The following PHLPP1 variants were observed in gnomAD, a reference collection of about 807,000 sequenced individuals.
PHLPP1 encodes the protein PH domain and leucine rich repeat protein phosphatase 1, also known as PH domain leucine-rich repeat-containing protein phosphatase 1.
Under a neutral mutation model 117.2 loss-of-function variants are expected in PHLPP1, and 42 were observed. The ratio of observed to expected loss-of-function variants is 0.36; its 90% CI spans 0.28 to 0.46. The LOEUF (loss-of-function observed/expected upper bound fraction) is 0.46, where lower values mean the gene tolerates loss of function less well. PHLPP1 is among the 20% of genes least tolerant of loss of function. The pLI is 1.00. For synonymous variants in PHLPP1, 1,042 were observed against 970.7 expected (o/e 1.07, Z -1.37); for missense variants, 2,084 against 2,241.9 (o/e 0.93, Z 1.42).
At chr18:62,900,433 CTTTTTTTTTTTTTT>C (rs774225759) in intron 6 of PHLPP1, among the ~76,000 whole-genome samples, 5,762 of 54,302 alleles carry the variant, frequency 0.11, 225 homozygotes, top group Non-Finnish European at 0.14. Context: ...CTTTTTCTTT[CTTTTTTTTTTTTTT>C]TTTTTTTTTT....
chr18:62,768,045 A>T (rs757058151), intron 1 of PHLPP1, among the ~76,000 whole-genome samples: 5 of 152,148 alleles, frequency 3.3e-5, no homozygotes, highest in Non-Finnish European at 7.4e-5. Context: ...ATCCATTAGC[A>T]CCTCTATATC....
intron 16 of PHLPP1, among the ~76,000 whole-genome samples, 190 bp downstream of exon 16, chr18:62,975,815 T>G (rs1296132899): frequency 6.6e-6 from 1 of 152,240 alleles, no homozygotes; most frequent in Non-Finnish European, 1.5e-5. Flanking sequence ...GTTGGTTGCC[T>G]CTCTGCATCA....
At chr18:62,872,986 C>CAAAAAAAAA (rs60920082) in intron 4 of PHLPP1, among the ~76,000 whole-genome samples, 9 of 54,762 alleles carry the variant, frequency 1.6e-4, no homozygotes, top group African/African-American at 4.5e-4. Flanking sequence ...AACTCTGCCT[C>CAAAAAAAAA]AAAAAAAAAA....
intron 4 of PHLPP1, among the ~76,000 whole-genome samples, chr18:62,890,130 T>G (rs1010332125): frequency 4.6e-5 from 7 of 152,128 alleles, no homozygotes; most frequent in African/African-American, 1.7e-4. Flanking sequence ...AGAGAATGGT[T>G]GTATCTCTTT....
rs1434411148 is a variant in PHLPP1, at chr18:62,978,849, C to T, written c.4572C>T (p.Ser1524=). 13 of 1,607,540 alleles carry T rather than the reference C, an allele frequency of 8.1e-6. No homozygotes were observed. The highest frequency in any genetic ancestry group is 1.3e-5 in the African/African-American group (1 of 74,726). ...GCATGCTCCACCCCATCTGTCTGTCCAACTCCTTCCAGCGCCAGCTATCCA... is the reference window on the plus strand; with the variant it reads ...GCATGCTCCACCCCATCTGTCTGTCTAACTCCTTCCAGCGCCAGCTATCCA... ...QRCMLHPICL[S]NSFQRQLSSA... The change falls in exon 17 of 17, where the codon TCC becomes TCT. Residue 1524 remains serine (S), a synonymous_variant. Coordinates refer to ENST00000262719, the MANE Select transcript of PHLPP1 (RefSeq NM_194449.4). The surrounding 1 kb of genome is among the most constrained non-coding windows in gnomAD (Gnocchi z 7.0).
chr18:62,941,641 C>G (rs1305826999), intron 10 of PHLPP1, 77 bp from the exon 11 acceptor site: 1 of 1,000,950 alleles, frequency 1.0e-6, no homozygotes, highest in Non-Finnish European at 1.5e-6. Flanking sequence ...TCTAATATGC[C>G]TGGTATCAAA....
At chr18:62,837,878 G>T (rs960025600) in intron 2 of PHLPP1, 1 of 151,912 alleles carries the variant, frequency 6.6e-6, no homozygotes, top group African/African-American at 2.4e-5. Context: ...TGTTGACCAG[G>T]CTGGTCTCGA....
intron 1 of PHLPP1, among the ~76,000 whole-genome samples, chr18:62,741,339 CTT>C (rs1229212339): frequency 1.3e-5 from 2 of 152,120 alleles, no homozygotes. Context: ...GTAACAGAAA[CTT>C]TTTTTCATAT....
chr18:62,787,533 G>A (rs1178774153), intron 1 of PHLPP1, among the ~76,000 whole-genome samples: 2 of 152,076 alleles, frequency 1.3e-5, no homozygotes, highest in African/African-American at 4.8e-5. Flanking sequence ...AATATTCCGA[G>A]GATGACAGAA....
At chr18:62,841,219 C>A (rs1426660250) in intron 3 of PHLPP1, among the ~76,000 whole-genome samples, 1 of 151,626 alleles carries the variant, frequency 6.6e-6, no homozygotes, top group African/African-American at 2.4e-5. Context: ...TTTCCATTGC[C>A]TTTTTTCTGT....
intron 1 of PHLPP1, among the ~76,000 whole-genome samples, chr18:62,766,076 A>AAAAAAAATATATAT: frequency 9.2e-5 from 2 of 21,660 alleles, no homozygotes; most frequent in African/African-American, 1.5e-4. Flanking sequence ...AAAAAAAAAA[A>AAAAAAAATATATAT]ATATATATAT....
At chr18:62,781,488 C>T (rs1003567174) in intron 1 of PHLPP1, among the ~76,000 whole-genome samples, 9 of 152,276 alleles carry the variant, frequency 5.9e-5, no homozygotes, top group African/African-American at 1.7e-4. Flanking sequence ...CTCCTGGCTC[C>T]ACATCAGGCC....
chr18:62,945,284 A>G lies in PHLPP1; in HGVS notation c.3324+13A>G. ...CCCAGAGATCAAGGTATGTGGTTTC[A>G]TTTCATAAACTCTAAGCTTCAGGTC... On this transcript the variant is annotated intron_variant, in intron 12 of 16. Transcript: ENST00000262719. 6.3e-7 allele frequency: 1 copy of G among 1,584,970 alleles called. No individual in the cohort carries two copies. Among genetic ancestry groups the G allele is most frequent in the Non-Finnish European group, 8.6e-7 (1 of 1,168,276 alleles).
intron 4 of PHLPP1, among the ~76,000 whole-genome samples, chr18:62,888,338 T>TG (rs1568150763): frequency 1.6e-5 from 2 of 128,358 alleles, no homozygotes; most frequent in East Asian, 4.0e-4. Flanking sequence ...TGTGTGTATG[T>TG]TTTTTTTTTC....
chr18:62,817,405 G>T (rs1298339788), intron 1 of PHLPP1, among the ~76,000 whole-genome samples: 2 of 152,194 alleles, frequency 1.3e-5, no homozygotes, highest in Non-Finnish European at 2.9e-5. Flanking sequence ...GTATGTGAAT[G>T]CATATGTGTA....
chr18:62,830,105 G>A lies in PHLPP1; in HGVS notation c.1647G>A (p.Lys549=). 1 of 1,613,458 alleles carries A rather than the reference G, an allele frequency of 6.2e-7. No individual in the cohort carries two copies. The highest frequency in any genetic ancestry group is 8.5e-7 in the Non-Finnish European group (1 of 1,179,674). The change falls in exon 2 of 17, where the codon AAG becomes AAA. Residue 549 remains lysine (K), a synonymous_variant. Coordinates refer to ENST00000262719, the MANE Select transcript of PHLPP1 (RefSeq NM_194449.4). ...GAATGTATAATGTCCGTAAAGGCAAGATGCAGTTGCCAGTGAACCGATGGA... is the reference window on the plus strand; with the variant it reads ...GAATGTATAATGTCCGTAAAGGCAAAATGCAGTTGCCAGTGAACCGATGGA... The part of the protein sequence containing the change: ...LSGMYNVRKG[K]MQLPVNRWTR...
intron 1 of PHLPP1, among the ~76,000 whole-genome samples, chr18:62,765,778 G>A (rs1481832730): frequency 6.6e-6 from 1 of 151,934 alleles, no homozygotes; most frequent in Non-Finnish European, 1.5e-5. Context: ...GGTGGATCAC[G>A]AGGTCAGGAG....
intron 12 of PHLPP1, among the ~76,000 whole-genome samples, chr18:62,946,978 G>A (rs1910311124): frequency 6.6e-6 from 1 of 152,198 alleles, no homozygotes; most frequent in South Asian, 2.1e-4. Flanking sequence ...TCATGAACCT[G>A]GGAGGCAGAG....
chr18:62,827,129 ATG>A (rs2144328539), intron 1 of PHLPP1, among the ~76,000 whole-genome samples: 1 of 152,302 alleles, frequency 6.6e-6, no homozygotes, highest in African/African-American at 2.4e-5. Context: ...CTTACCTACT[ATG>A]TGCCAAGTGC....
Sources: gnomAD v4.1 joint callset for allele counts (sites outside exome capture counted in the v4.1 genomes callset) on GRCh38, gnomAD v4.1.1 for gene constraint, Gnocchi (gnomAD v3.1) non-coding constraint, MANE v1.5 for transcripts, NCBI Gene and HGNC (gene_info 2026-07-23, HGNC 2026-07-21) for gene names.